COL26A1: variants seen among roughly 807,000 people sequenced by gnomAD.
The protein encoded by COL26A1 is collagen alpha-1(XXVI) chain.
COL26A1 carries 41 observed loss-of-function variants against 59.3 expected under a neutral mutation model. The ratio of observed to expected loss-of-function variants is 0.69; its 90% CI spans 0.54 to 0.90. The LOEUF is 0.90. Among genes scored for constraint, COL26A1 ranks in the 40% least tolerant of loss-of-function variants. COL26A1 has a pLI of 0.00. For synonymous variants in COL26A1, 266 were observed against 256.0 expected (o/e 1.04, Z -0.37); for missense variants, 612 against 602.3 (o/e 1.02, Z -0.17).
intron 4 of COL26A1, among the ~76,000 whole-genome samples, chr7:101,538,276 G>A (rs1436502253): frequency 2.0e-5 from 3 of 152,178 alleles, no homozygotes; most frequent in African/African-American, 7.2e-5. Context: ...TCAGGAGAAC[G>A]GGGTCCACCC....
At chr7:101,376,248 T>C (rs1296449405) in intron 1 of COL26A1, among the ~76,000 whole-genome samples, 1 of 150,802 alleles carries the variant, frequency 6.6e-6, no homozygotes, top group Non-Finnish European at 1.5e-5. Context: ...GCCGAGGAGG[T>C]GGAGGCTATG....
chr7:101,509,643 A>C (rs877702), intron 3 of COL26A1, among the ~76,000 whole-genome samples: 15,443 of 152,166 alleles, frequency 0.1, 806 homozygotes, highest in South Asian at 0.11. Context: ...TCCCACCCCC[A>C]GAATGGTCTA....
intron 3 of COL26A1, among the ~76,000 whole-genome samples, chr7:101,492,403 AAT>A (rs1322126894): frequency 6.6e-6 from 1 of 152,040 alleles, no homozygotes; most frequent in African/African-American, 2.4e-5. Flanking sequence ...TATTTTTTAA[AAT>A]AGAGTTGCAG....
chr7:101,546,052 A>G (rs1433394741), intron 7 of COL26A1, among the ~76,000 whole-genome samples: 1 of 152,224 alleles, frequency 6.6e-6, no homozygotes, highest in Non-Finnish European at 1.5e-5. Context: ...CCAGTCCAAG[A>G]GAGCCTCTGA....
intron 1 of COL26A1, among the ~76,000 whole-genome samples, chr7:101,407,086 C>A (rs1792144787): frequency 6.6e-6 from 1 of 152,190 alleles, no homozygotes; most frequent in Admixed American, 6.5e-5. Flanking sequence ...ATCCTGCTCG[C>A]CCCTTCAAGG....
intron 3 of COL26A1, among the ~76,000 whole-genome samples, chr7:101,508,517 C>CACAAAA (rs1794858317): frequency 7.8e-6 from 1 of 127,630 alleles, no homozygotes; most frequent in Non-Finnish European, 1.6e-5. Context: ...AAAACCCTGT[C>CACAAAA]AAAAAAAAAA....
At chr7:101,436,903 A>ATTTTTAGTAGAGATG (rs1792929445) in intron 2 of COL26A1, among the ~76,000 whole-genome samples, 1 of 151,916 alleles carries the variant, frequency 6.6e-6, no homozygotes, top group Non-Finnish European at 1.5e-5. Context: ...TTCAGTTGTG[A>ATTTTTAGTAGAGATG]CGGTTTCACC....
At chr7:101,546,134 C>T (rs1017279454) in intron 7 of COL26A1, among the ~76,000 whole-genome samples, 10 of 152,202 alleles carry the variant, frequency 6.6e-5, no homozygotes, top group African/African-American at 2.4e-4. Context: ...GGGACCAGGA[C>T]TCTGGGCCTA....
intron 3 of COL26A1, among the ~76,000 whole-genome samples, chr7:101,511,478 C>G (rs538433482): frequency 1.3e-5 from 2 of 152,302 alleles, no homozygotes; most frequent in East Asian, 3.9e-4. Context: ...TTGTGGGTTC[C>G]GTTAAGCTAT....
intron 3 of COL26A1, among the ~76,000 whole-genome samples, chr7:101,476,079 A>G (rs1794039052): frequency 1.3e-5 from 2 of 150,618 alleles, no homozygotes; most frequent in African/African-American, 2.5e-5. Flanking sequence ...GGTTCAAGTG[A>G]TTCTTGTGCC....
At position 101,557,547 on chromosome 7, in the gene COL26A1, G is replaced by T; in HGVS notation, c.*17G>T. The T allele has an allele frequency of 6.3e-7, 1 of 1,598,164 alleles. No homozygotes were observed. The highest frequency in any genetic ancestry group is 1.1e-5 in the South Asian group (1 of 90,238). ...AGGAAGTGAGAGCCCACTGCTCCAG[G>T]ACACCCTGTCCTGGCTAGAGACCCA... On this transcript the variant is annotated 3_prime_UTR_variant, in exon 13 of 13. Transcript: ENST00000313669.
At chr7:101,368,825 T>A (rs943922276) in intron 1 of COL26A1, among the ~76,000 whole-genome samples, 3 of 152,050 alleles carry the variant, frequency 2.0e-5, no homozygotes, top group African/African-American at 7.3e-5. Context: ...ATTTTGACTC[T>A]TTTTAAAATT....
chr7:101,393,411 T>A (rs1481841060), intron 1 of COL26A1, among the ~76,000 whole-genome samples: 2 of 152,280 alleles, frequency 1.3e-5, no homozygotes, highest in Middle Eastern at 6.8e-3. Context: ...GGGAGAAAGA[T>A]GTGGGCTGGG....
At chr7:101,538,182 C>T (rs1399509882) in intron 4 of COL26A1, among the ~76,000 whole-genome samples, 1 of 152,182 alleles carries the variant, frequency 6.6e-6, no homozygotes, top group Admixed American at 6.5e-5. Flanking sequence ...TCCAGAGCCC[C>T]TAAACTTGGC....
intron 3 of COL26A1, among the ~76,000 whole-genome samples, chr7:101,450,123 CAAA>C (rs59531271): frequency 2.0e-5 from 2 of 99,940 alleles, no homozygotes; most frequent in Non-Finnish European, 2.2e-5. Context: ...GACTCAGTCT[CAAA>C]AAAAAAAAAA....
rs976241775 is a variant in COL26A1, at chr7:101,546,109, G to T, written c.856+619G>T. Among the ~76,000 whole-genome samples, 20 of 152,350 alleles carry T rather than the reference G, an allele frequency of 1.3e-4. 1 individual carries two copies. The highest frequency in any genetic ancestry group is 4.1e-4 in the African/African-American group (17 of 41,586). On this transcript the variant is annotated intron_variant, in intron 7 of 12. Transcript: ENST00000313669. ...TACCTTGGGAGGTGGGGACAAGGAG[G>T]TGCAGAGAGTGGACGGGACCAGGAC...
chr7:101,437,146 A>G (rs1390978932), intron 2 of COL26A1, among the ~76,000 whole-genome samples: 1 of 152,214 alleles, frequency 6.6e-6, no homozygotes, highest in Admixed American at 6.5e-5. Flanking sequence ...GATGTCAGAC[A>G]AATAATTACA....
At chr7:101,399,007 C>T (rs569532113) in intron 1 of COL26A1, among the ~76,000 whole-genome samples, 1 of 152,080 alleles carries the variant, frequency 6.6e-6, no homozygotes, top group East Asian at 1.9e-4. Context: ...TCAGAATTGC[C>T]CATCAAGATG....
intron 9 of COL26A1, among the ~76,000 whole-genome samples, chr7:101,549,872 C>T (rs1465068661): frequency 1.3e-5 from 2 of 152,154 alleles, no homozygotes; most frequent in African/African-American, 2.4e-5. Flanking sequence ...CTGCCTCAGC[C>T]CCTCACCTTG....
Sources: gnomAD v4.1 joint callset for allele counts (sites outside exome capture counted in the v4.1 genomes callset) on GRCh38, gnomAD v4.1.1 for gene constraint, MANE v1.5 for transcripts, NCBI Gene and HGNC (gene_info 2026-07-23, HGNC 2026-07-21) for gene names.